Variants in NRXN3 observed in about 807,000 individuals in gnomAD.
NRXN3 encodes neurexin III.
In NRXN3, 32 loss-of-function variants were observed where a neutral mutation model predicts 137.6. That is an observed-to-expected ratio of 0.23 (90% CI 0.18 to 0.31). The LOEUF is 0.31. NRXN3 is among the 10% of genes least tolerant of loss of function. The pLI is 1.00. For synonymous variants in NRXN3, 798 were observed against 784.5 expected, an observed-to-expected ratio of 1.02 and a Z score of -0.29; for missense variants, 1,574 against 2,062.5, an observed-to-expected ratio of 0.76 and a Z score of 4.59.
chr14:79,631,066 G>A (rs1440791313), intron 16 of NRXN3, among the ~76,000 whole-genome samples: 3 of 152,110 alleles, frequency 2.0e-5, no homozygotes, highest in Admixed American at 6.5e-5. Flanking sequence ...CTCCTTTATC[G>A]TGTAAAAGTC....
At chr14:79,089,656 T>C (rs770045187) in intron 15 of NRXN3, among the ~76,000 whole-genome samples, 4 of 147,384 alleles carry the variant, frequency 2.7e-5, no homozygotes, top group Non-Finnish European at 5.9e-5. Context: ...AAATAACTCT[T>C]GTATATGGCA....
intron 3 of NRXN3, among the ~76,000 whole-genome samples, chr14:78,289,605 C>T (rs2075576408): frequency 6.6e-6 from 1 of 151,440 alleles, no homozygotes; most frequent in African/African-American, 2.4e-5. Flanking sequence ...TTCCATCATG[C>T]ATGTACAACT....
chr14:78,516,335 T>A (rs539422310), intron 4 of NRXN3, among the ~76,000 whole-genome samples: 2 of 88,518 alleles, frequency 2.3e-5, no homozygotes, highest in South Asian at 4.2e-4. Context: ...ATAGTTGTTA[T>A]CCCTTTTAAT....
intron 20 of NRXN3, among the ~76,000 whole-genome samples, chr14:79,839,783 T>A (rs1269530177): frequency 1.3e-5 from 2 of 152,216 alleles, no homozygotes; most frequent in Admixed American, 6.5e-5. Context: ...GCACTTGTAA[T>A]TTAACAGCTC....
At chr14:79,565,301 A>G (rs1417353523) in intron 16 of NRXN3, among the ~76,000 whole-genome samples, 2 of 146,212 alleles carry the variant, frequency 1.4e-5, no homozygotes, top group Admixed American at 1.4e-4. Flanking sequence ...ACATGTGTAT[A>G]TACATATACA....
chr14:78,960,285 T>G (rs1224920713), intron 11 of NRXN3, among the ~76,000 whole-genome samples: 1 of 152,164 alleles, frequency 6.6e-6, no homozygotes, highest in African/African-American at 2.4e-5. Context: ...CTTTTTATAG[T>G]GATAAGGGGT....
At chr14:78,892,614 C>T (rs2099162213) in intron 10 of NRXN3, among the ~76,000 whole-genome samples, 2 of 151,164 alleles carry the variant, frequency 1.3e-5, no homozygotes, top group Non-Finnish European at 2.9e-5. Flanking sequence ...ATTAACAGAA[C>T]TTGATGGTTG....
chr14:78,966,841 A>G (rs1378010837), intron 12 of NRXN3, among the ~76,000 whole-genome samples: 1 of 152,252 alleles, frequency 6.6e-6, no homozygotes, highest in African/African-American at 2.4e-5. Context: ...AAGACATTTT[A>G]CTACCATGTA....
intron 16 of NRXN3, among the ~76,000 whole-genome samples, chr14:79,560,529 G>A (rs199714165): frequency 1.9e-4 from 1 of 5,384 alleles, no homozygotes; most frequent in Admixed American, 1.3e-3. Context: ...TTTTTTTTTT[G>A]AGATGGAGTC....
rs543428040 is a variant in NRXN3 at position 79,865,062 on chromosome 14, T to G, written c.*3098T>G. ...CACCGCGCCCGGCTTGGATACTATGTTTTTTAAAGGCATTTCGTACCTTTT... is the reference window on the plus strand; with the variant it reads ...CACCGCGCCCGGCTTGGATACTATGGTTTTTAAAGGCATTTCGTACCTTTT... On this transcript the variant is annotated 3_prime_UTR_variant, in exon 21 of 21. Coordinates refer to ENST00000335750, the MANE Select transcript of NRXN3 (RefSeq NM_001330195.2). The G allele has an allele frequency of 2.6e-5, 4 of 152,184 alleles. No homozygotes were observed. The highest frequency in any genetic ancestry group is 5.9e-5 in the Non-Finnish European group (4 of 68,042). 9.4% of individuals were successfully genotyped at this position (152,184 alleles called of 1,614,324 possible). A position where few individuals can be genotyped will look rare whatever the true frequency, so the allele number is the denominator to read the frequency against.
At chr14:79,156,249 T>A (rs1385685956) in intron 15 of NRXN3, among the ~76,000 whole-genome samples, 1 of 151,878 alleles carries the variant, frequency 6.6e-6, no homozygotes. Context: ...TTAGAGCAAT[T>A]TCTTAGTTTG....
At chr14:78,892,176 C>G (rs1353685448) in intron 10 of NRXN3, among the ~76,000 whole-genome samples, 1 of 151,964 alleles carries the variant, frequency 6.6e-6, no homozygotes, top group African/African-American at 2.4e-5. Context: ...CCAGGGAACT[C>G]TGATGCACGT....
chr14:78,175,977 A>T (rs2059227034), intron 1 of NRXN3, among the ~76,000 whole-genome samples: 1 of 152,148 alleles, frequency 6.6e-6, no homozygotes. Flanking sequence ...GAGGTCAAGG[A>T]CTTTGTGTTC....
chr14:79,364,395 T>A (rs1762981398), intron 15 of NRXN3, among the ~76,000 whole-genome samples: 1 of 152,236 alleles, frequency 6.6e-6, no homozygotes, highest in Non-Finnish European at 1.5e-5. Context: ...AAGTATTTTT[T>A]CTTCATTCAC....
At chr14:79,206,966 A>T (rs965002081) in intron 15 of NRXN3, among the ~76,000 whole-genome samples, 1 of 152,108 alleles carries the variant, frequency 6.6e-6, no homozygotes, top group African/African-American at 2.4e-5. Context: ...CCCTTTTCCT[A>T]CCGGATCAAG....
intron 16 of NRXN3, among the ~76,000 whole-genome samples, chr14:79,494,249 A>T (rs2096744783): frequency 6.6e-6 from 1 of 152,304 alleles, no homozygotes; most frequent in Non-Finnish European, 1.5e-5. Context: ...ATAAAAATGA[A>T]TAATCACTGT....
intron 15 of NRXN3, among the ~76,000 whole-genome samples, chr14:79,427,781 G>C: frequency 6.7e-6 from 1 of 148,854 alleles, no homozygotes; most frequent in African/African-American, 2.5e-5. Flanking sequence ...GAAGAGAGCT[G>C]AGATCGCACC....
At chr14:79,546,568 G>A (rs899358088) in intron 16 of NRXN3, among the ~76,000 whole-genome samples, 1 of 152,114 alleles carries the variant, frequency 6.6e-6, no homozygotes, top group Non-Finnish European at 1.5e-5. Context: ...TAATAAATAG[G>A]TAATACCACC....
At chr14:79,400,120 A>C (rs902821386) in intron 15 of NRXN3, among the ~76,000 whole-genome samples, 1 of 152,336 alleles carries the variant, frequency 6.6e-6, no homozygotes, top group South Asian at 2.1e-4. Context: ...AATTGTATCT[A>C]CAACGATTCT....
Sources: gnomAD v4.1 joint callset for allele counts (sites outside exome capture counted in the v4.1 genomes callset) on GRCh38, gnomAD v4.1.1 for gene constraint, MANE v1.5 for transcripts, NCBI Gene and HGNC (gene_info 2026-07-23, HGNC 2026-07-21) for gene names.